ST6GALNAC2: variants seen among roughly 807,000 people sequenced by gnomAD.
ST6GALNAC2 encodes the protein alpha-N-acetylgalactosaminide alpha-2,6-sialyltransferase 2.
ST6GALNAC2 carries 42 observed loss-of-function variants against 38.7 expected under a neutral mutation model. The ratio of observed to expected loss-of-function variants is 1.09; its 90% CI spans 0.85 to 1.40. ST6GALNAC2 has a LOEUF of 1.40. Ranked by LOEUF, ST6GALNAC2 falls within the 40% of genes most tolerant of loss-of-function variation. The pLI, the probability that ST6GALNAC2 is intolerant of heterozygous loss-of-function variation, is 0.00. For synonymous variants in ST6GALNAC2, 233 were observed against 209.0 expected, an observed-to-expected ratio of 1.11 and a Z score of -0.99; for missense variants, 506 against 481.7, an observed-to-expected ratio of 1.05 and a Z score of -0.47.
chr17:76,567,131 A>G (rs1405790894), intron 8 of ST6GALNAC2, among the ~76,000 whole-genome samples: 1 of 152,162 alleles, frequency 6.6e-6, no homozygotes, highest in African/African-American at 2.4e-5. Context: ...GGGCAGTTTG[A>G]TGATTTGAGC....
intron 5 of ST6GALNAC2, among the ~76,000 whole-genome samples, chr17:76,571,679 A>G (rs1183739783): frequency 1.3e-5 from 2 of 152,204 alleles, no homozygotes; most frequent in Non-Finnish European, 2.9e-5. Flanking sequence ...TGTGGCATAG[A>G]CACTATGGTA....
In ST6GALNAC2 at chr17:76,572,669, T is replaced by C; in HGVS notation, c.637A>G (p.Asn213Asp). 1.2e-6 allele frequency: 2 copies of C among 1,614,142 alleles called. No individual in the cohort carries two copies. Reference sequence around the variant, plus strand: ...TGTGGCACGGAGGTGAAGCCCAGATTCCAGTAGGAGACGAGGGAGTTCTTC... The same window carrying C: ...TGTGGCACGGAGGTGAAGCCCAGATCCCAGTAGGAGACGAGGGAGTTCTTC... ...TMKNSLVSYW[N>D]LGFTSVPQGQ... Residue 213 changes from asparagine to aspartate, a missense_variant, in exon 5 of 9, where the codon AAT (asparagine) becomes GAT (aspartate). By Grantham distance (23) the Asn-to-Asp change is conservative. Coordinates refer to ENST00000225276, the MANE Select transcript of ST6GALNAC2 (RefSeq NM_006456.3).
chr17:76,566,585 T>C (rs1169877033), intron 8 of ST6GALNAC2, among the ~76,000 whole-genome samples: 1 of 151,980 alleles, frequency 6.6e-6, no homozygotes, highest in Non-Finnish European at 1.5e-5. Flanking sequence ...AGGCCCTGTG[T>C]GGTGGCTCAC....
intron 1 of ST6GALNAC2, among the ~76,000 whole-genome samples, chr17:76,584,561 C>T (rs1567936824): frequency 6.6e-6 from 1 of 152,154 alleles, no homozygotes; most frequent in East Asian, 1.9e-4. Flanking sequence ...CTCACAGCCT[C>T]GAATTCCTGG....
intron 1 of ST6GALNAC2, chr17:76,580,829 C>T (rs576958855): frequency 2.0e-4 from 30 of 152,234 alleles, no homozygotes; most frequent in African/African-American, 6.7e-4. Flanking sequence ...CTTGCTGTGT[C>T]AGCCTCTATT....
Position 76,574,383 on chromosome 17 carries a change from G to T in ST6GALNAC2, c.343C>A (p.Arg115=). The T allele has an allele frequency of 7.4e-6, 12 of 1,612,724 alleles. No homozygotes were observed. The highest frequency in any genetic ancestry group is 9.3e-6 in the Non-Finnish European group (11 of 1,179,354). Residue 115 remains arginine, a synonymous_variant, in exon 3 of 9, where the codon CGG becomes AGG. Coordinates refer to ENST00000225276, the MANE Select transcript of ST6GALNAC2 (RefSeq NM_006456.3). The part of the protein sequence containing the change: ...LSQHKAPYGW[R]GLSHQVIAST... The stretch of plus-strand genomic sequence containing the variant: ...GGGTTACCTTGGTGAGAGAGCCCCC[G>T]CCAGCCATACGGGGCTTTGTGTTGG...
In ST6GALNAC2 at chr17:76,571,489, G is replaced by A. The variant is rs576261394; in HGVS notation, c.670-821C>T. On this transcript the variant is annotated intron_variant, in intron 5 of 8. Coordinates refer to ENST00000225276, the MANE Select transcript of ST6GALNAC2 (RefSeq NM_006456.3). ...CGTGCCTGTAATCCCAGCTTCTTGA[G>A]AGGCTGAGGCAGGAGAATCGCTTGA... Among the ~76,000 whole-genome samples the A allele has an allele frequency of 2.6e-5, 4 of 152,350 alleles. No individual in the cohort carries two copies. In the East Asian group the frequency reaches 7.7e-4, roughly 29 times the overall value.
intron 6 of ST6GALNAC2, chr17:76,569,908 G>A (rs928707238): frequency 4.7e-5 from 12 of 253,740 alleles, no homozygotes; most frequent in East Asian, 7.6e-5. Flanking sequence ...CAGCAGTGGC[G>A]TCGATTTTTA....
intron 1 of ST6GALNAC2, among the ~76,000 whole-genome samples, chr17:76,583,348 C>T (rs1224639544): frequency 7.8e-6 from 1 of 128,572 alleles, no homozygotes; most frequent in Non-Finnish European, 1.6e-5. Flanking sequence ...TGCACTCCAG[C>T]CTGGGCGACA....
chr17:76,573,865 G>A lies in ST6GALNAC2; in HGVS notation c.361+500C>T, dbSNP rs1266996710. ...CACTTGAACCCGGGAGGCGGAGGTT[G>A]TAGTGAGCTGAGATTGTGCCATTGC... On this transcript the variant is annotated intron_variant, in intron 3 of 8. Transcript: ENST00000225276. This position sits in a 1 kb window ranked among gnomAD's most constrained non-coding sequence, Gnocchi z 5.1. 1.3e-5 allele frequency among the ~76,000 whole-genome samples: 2 copies of A among 152,232 alleles called. No homozygotes were observed. The highest frequency in any genetic ancestry group is 2.9e-5 in the Non-Finnish European group (2 of 68,034).
intron 1 of ST6GALNAC2, among the ~76,000 whole-genome samples, chr17:76,582,140 C>T (rs2075484613): frequency 2.1e-5 from 3 of 143,810 alleles, no homozygotes; most frequent in Non-Finnish European, 4.5e-5. Flanking sequence ...ACTGGGGTTA[C>T]AAGCGTGAGC....
In ST6GALNAC2 at chr17:76,567,643, A is replaced by G. The variant is rs1314742088; in HGVS notation, c.858-91T>C. ...CATTCAAATAGGTGGGAAAACTTCA[A>G]AAACTGAGGGCCTTCTACTCCAGTC... On this transcript the variant is annotated intron_variant, in intron 7 of 8. Coordinates refer to ENST00000225276, the MANE Select transcript of ST6GALNAC2 (RefSeq NM_006456.3). 15 of 831,580 alleles carry G rather than the reference A, an allele frequency of 1.8e-5. No individual in the cohort carries two copies. In the South Asian group the frequency reaches 1.9e-4, roughly 10 times the overall value. The allele number at this position is 831,580 out of a possible 1,614,324, so 51.5% of individuals were successfully genotyped here. A position where few individuals can be genotyped will look rare whatever the true frequency, so the allele number is the denominator to read the frequency against.
intron 1 of ST6GALNAC2, among the ~76,000 whole-genome samples, chr17:76,584,193 C>CTT (rs55780682): frequency 0.017 from 2,393 of 137,162 alleles, 59 homozygotes; most frequent in South Asian, 0.044. Context: ...TCACCTCGAA[C>CTT]TTTTTTTTTT....
At chr17:76,568,621 TG>T in intron 7 of ST6GALNAC2, 91 bp downstream of exon 7, 2 of 1,234,838 alleles carry the variant, frequency 1.6e-6, no homozygotes, top group South Asian at 1.2e-5. Flanking sequence ...GGTCAGTGCG[TG>T]GGGCTCGTGC....
At chr17:76,572,004 G>A (rs959974106) in intron 5 of ST6GALNAC2, among the ~76,000 whole-genome samples, 1 of 152,112 alleles carries the variant, frequency 6.6e-6, no homozygotes. Context: ...TTCTTCCAGG[G>A]GCCAGTGTGG....
chr17:76,570,298 G>A (rs1020021676), intron 6 of ST6GALNAC2: 14 of 472,200 alleles, frequency 3.0e-5, no homozygotes, highest in Non-Finnish European at 4.7e-5. Flanking sequence ...ATTCAGAAGA[G>A]CTGCCTCTCC....
intron 2 of ST6GALNAC2, among the ~76,000 whole-genome samples, chr17:76,577,664 C>T (rs1302216913): frequency 6.7e-6 from 1 of 150,328 alleles, no homozygotes; most frequent in Non-Finnish European, 1.5e-5. Context: ...CAACCTCCGT[C>T]TCCTGGGTTC....
At chr17:76,579,803 G>C (rs552866260) in intron 1 of ST6GALNAC2, among the ~76,000 whole-genome samples, 1 of 152,332 alleles carries the variant, frequency 6.6e-6, no homozygotes, top group African/African-American at 2.4e-5. Context: ...TGAGGATGCA[G>C]CAAGAAGGCC....
intron 1 of ST6GALNAC2, chr17:76,579,060 CAGGCA>C: frequency 3.6e-6 from 1 of 278,740 alleles, no homozygotes; most frequent in South Asian, 5.9e-5. Flanking sequence ...GCTGGGATTA[CAGGCA>C]TGCGCCACCA....
Sources: gnomAD v4.1 joint callset for allele counts (sites outside exome capture counted in the v4.1 genomes callset) on GRCh38, gnomAD v4.1.1 for gene constraint, Gnocchi (gnomAD v3.1) non-coding constraint, MANE v1.5 for transcripts, NCBI Gene and HGNC (gene_info 2026-07-23, HGNC 2026-07-21) for gene names.